The following EPHA3 variants were observed in gnomAD, a reference collection of about 807,000 sequenced individuals.
The protein encoded by EPHA3 is ephrin type-A receptor 3.
EPHA3 carries 42 observed loss-of-function variants against 107.1 expected under a neutral mutation model. The ratio of observed to expected loss-of-function variants is 0.39; its 90% CI spans 0.31 to 0.51. The LOEUF (loss-of-function observed/expected upper bound fraction) is 0.51, where lower values mean the gene tolerates loss of function less well. Among genes scored for constraint, EPHA3 ranks in the 20% least tolerant of loss-of-function variants. The probability of loss-of-function intolerance (pLI) is 0.78; values close to 1 mark genes in which losing one functional copy is unlikely to be tolerated. For missense variants in EPHA3, 1,183 were observed against 1,211.2 expected, an observed-to-expected ratio of 0.98 and a Z score of 0.35; for synonymous variants, 461 against 424.8, an observed-to-expected ratio of 1.09 and a Z score of -1.05.
At chr3:89,211,803 C>A (rs1332285668) in intron 3 of EPHA3, among the ~76,000 whole-genome samples, 1 of 108,804 alleles carries the variant, frequency 9.2e-6, no homozygotes, top group African/African-American at 4.4e-5. Flanking sequence ...TCTTCTTCTT[C>A]TTCTTCTTCT....
chr3:89,475,119 G>C (rs1710482045), intron 16 of EPHA3, among the ~76,000 whole-genome samples: 1 of 152,106 alleles, frequency 6.6e-6, no homozygotes, highest in Non-Finnish European at 1.5e-5. Flanking sequence ...TGCACCTCAT[G>C]CTCCTAATTT....
rs117184422 is a variant in EPHA3, at chr3:89,203,116, G to C, written c.154-6744G>C. 7.9e-4 allele frequency among the ~76,000 whole-genome samples: 120 copies of C among 152,172 alleles called. 2 individuals are homozygous for C. The East Asian group carries it at 0.019, about 24-fold the overall frequency. On this transcript the variant is annotated intron_variant, in intron 2 of 16. Transcript: ENST00000336596. ...AGGAGACTCAGAATTCACGGAAGCT[G>C]ATATTGGAGCATCCTATCAGTTCAG...
At chr3:89,117,411 G>A (rs1319478172) in intron 1 of EPHA3, among the ~76,000 whole-genome samples, 3 of 151,960 alleles carry the variant, frequency 2.0e-5, no homozygotes, top group Non-Finnish European at 2.9e-5. Flanking sequence ...ATTTTCAAAC[G>A]CAATTTAGCA....
intron 3 of EPHA3, among the ~76,000 whole-genome samples, chr3:89,303,540 T>C (rs1213543718): frequency 6.6e-6 from 1 of 151,112 alleles, no homozygotes; most frequent in Non-Finnish European, 1.5e-5. Context: ...TAAATTAGAA[T>C]AGGTTGTCAC....
intron 3 of EPHA3, among the ~76,000 whole-genome samples, chr3:89,249,793 C>A (rs987559697): frequency 6.6e-6 from 1 of 152,110 alleles, no homozygotes; most frequent in South Asian, 2.1e-4. Flanking sequence ...TTTGCTGTTT[C>A]TATATCTCAG....
intron 15 of EPHA3, among the ~76,000 whole-genome samples, chr3:89,471,198 A>G (rs1207280264): frequency 6.6e-6 from 1 of 151,262 alleles, no homozygotes; most frequent in Admixed American, 6.6e-5. Flanking sequence ...CACACCAAAG[A>G]CATTTCACCA....
intron 5 of EPHA3, among the ~76,000 whole-genome samples, chr3:89,372,848 A>G (rs1300905613): frequency 6.6e-6 from 1 of 151,766 alleles, no homozygotes; most frequent in Non-Finnish European, 1.5e-5. Flanking sequence ...CTTACCTTGC[A>G]CTAGTAATAT....
At chr3:89,270,374 C>T (rs1053889565) in intron 3 of EPHA3, among the ~76,000 whole-genome samples, 56 of 152,170 alleles carry the variant, frequency 3.7e-4, no homozygotes, top group Admixed American at 9.8e-4. Context: ...AGGACTTCCA[C>T]GCACTGTCTA....
chr3:89,384,670 AAAAG>A, intron 5 of EPHA3, among the ~76,000 whole-genome samples: 1 of 152,236 alleles, frequency 6.6e-6, no homozygotes, highest in Non-Finnish European at 1.5e-5. Context: ...ATTGATGAAA[AAAAG>A]AAAGAATGTC....
At chr3:89,111,899 T>C (rs114460383) in intron 1 of EPHA3, among the ~76,000 whole-genome samples, 1,876 of 152,218 alleles carry the variant, frequency 0.012, 38 homozygotes, top group African/African-American at 0.039. Context: ...CTTTTAGATA[T>C]TACATCTTCT....
chr3:89,266,661 TTA>T (rs1201238866), intron 3 of EPHA3, among the ~76,000 whole-genome samples: 1 of 152,144 alleles, frequency 6.6e-6, no homozygotes, highest in Non-Finnish European at 1.5e-5. Context: ...AATGCTTTCT[TTA>T]TGTTTCTTTA....
At chr3:89,337,337 C>T (rs562420110) in intron 3 of EPHA3, among the ~76,000 whole-genome samples, 9 of 152,162 alleles carry the variant, frequency 5.9e-5, no homozygotes, top group Non-Finnish European at 8.8e-5. Flanking sequence ...TCAAACTATA[C>T]CATTGAATTT....
At position 89,468,993 on chromosome 3, in the gene EPHA3, T is replaced by A. The variant is rs886796866; in HGVS notation, c.2691-3471T>A. Among the ~76,000 whole-genome samples the A allele has an allele frequency of 2.6e-5, 4 of 152,266 alleles. No homozygotes were observed. In the East Asian group the frequency reaches 7.7e-4, roughly 29 times the overall value. The stretch of plus-strand genomic sequence containing the variant: ...ATATGTTTCAGAAGAAGATAACTTA[T>A]GAAATGTTATATTGATATTTTATAG... On this transcript the variant is annotated intron_variant, in intron 15 of 16. Transcript: ENST00000336596.
At chr3:89,398,175 G>C (rs1206453392) in intron 6 of EPHA3, among the ~76,000 whole-genome samples, 1 of 152,074 alleles carries the variant, frequency 6.6e-6, no homozygotes, top group Non-Finnish European at 1.5e-5. Context: ...CATGTTTTCT[G>C]TACTATTCAA....
At chr3:89,293,449 G>A (rs191874032) in intron 3 of EPHA3, among the ~76,000 whole-genome samples, 8 of 152,128 alleles carry the variant, frequency 5.3e-5, no homozygotes, top group Non-Finnish European at 8.8e-5. Flanking sequence ...CTTTTAAGGG[G>A]CCAGATAATA....
At chr3:89,258,766 A>G (rs954858778) in intron 3 of EPHA3, among the ~76,000 whole-genome samples, 30 of 152,320 alleles carry the variant, frequency 2.0e-4, no homozygotes, top group African/African-American at 7.0e-4. Context: ...TCAGTCAAAG[A>G]TAAAGTCAAT....
intron 7 of EPHA3, chr3:89,399,720 G>T (rs960230538): frequency 1.5e-5 from 18 of 1,204,716 alleles, no homozygotes; most frequent in South Asian, 4.0e-5. Context: ...TGCCTGAAAT[G>T]CTTCTGTTTT....
chr3:89,172,510 G>A (rs1705233484), intron 2 of EPHA3, among the ~76,000 whole-genome samples: 3 of 152,176 alleles, frequency 2.0e-5, no homozygotes, highest in Non-Finnish European at 4.4e-5. Context: ...CTTTTGGCTA[G>A]GGCTGTACTC....
chr3:89,249,633 G>C (rs1321852134), intron 3 of EPHA3, among the ~76,000 whole-genome samples: 1 of 151,814 alleles, frequency 6.6e-6, no homozygotes, highest in Non-Finnish European at 1.5e-5. Context: ...GCTAATTTTT[G>C]TATTTTTTGT....
Sources: gnomAD v4.1 joint callset for allele counts (sites outside exome capture counted in the v4.1 genomes callset) on GRCh38, gnomAD v4.1.1 for gene constraint, MANE v1.5 for transcripts, NCBI Gene and HGNC (gene_info 2026-07-23, HGNC 2026-07-21) for gene names.